RNFT2: variants seen among roughly 807,000 people sequenced by gnomAD.
The protein encoded by RNFT2 is E3 ubiquitin-protein ligase RNFT2.
RNFT2 carries 36 observed loss-of-function variants against 53.0 expected under a neutral mutation model. That is an observed-to-expected ratio of 0.68 (90% confidence interval 0.52 to 0.90). RNFT2 has a LOEUF of 0.90. RNFT2 is among the 40% of genes least tolerant of loss of function. The probability of loss-of-function intolerance (pLI) is 0.00; values close to 1 mark genes in which losing one functional copy is unlikely to be tolerated. For missense variants in RNFT2, 514 were observed against 585.6 expected (o/e 0.88, Z 1.26); for synonymous variants, 260 against 253.2 (o/e 1.03, Z -0.26).
intron 10 of RNFT2, among the ~76,000 whole-genome samples, chr12:116,837,507 A>G (rs909202849): frequency 6.6e-6 from 1 of 152,132 alleles, no homozygotes; most frequent in African/African-American, 2.4e-5. Flanking sequence ...GTTCCTTTTT[A>G]ACATCGACAA....
intron 5 of RNFT2, chr12:116,755,905 G>C (rs918020251): frequency 9.4e-6 from 12 of 1,283,386 alleles, no homozygotes; most frequent in African/African-American, 1.5e-5. Flanking sequence ...TGGCAGTTCC[G>C]GCTGAAAGGA....
chr12:116,771,802 G>A (rs1427959752), intron 6 of RNFT2, among the ~76,000 whole-genome samples: 1 of 152,078 alleles, frequency 6.6e-6, no homozygotes, highest in Non-Finnish European at 1.5e-5. Context: ...ACTTAGCCCC[G>A]ACTTATCATC....
chr12:116,750,279 G>T lies in RNFT2; in HGVS notation c.522G>T (p.Leu174=). The T allele has an allele frequency of 6.2e-7, 1 of 1,604,956 alleles. No homozygotes were observed. Residue 174 remains leucine (L), a synonymous_variant, in exon 4 of 11, where the codon CTG becomes CTT. Transcript: ENST00000257575. ...GACTCCCCTTCATCCTGATCCTCCT[G>T]GCCAAACTGTGCTTTCAGCATAAGC... ...QKGLPFILIL[L]AKLCFQHKLG...
intron 10 of RNFT2, among the ~76,000 whole-genome samples, chr12:116,836,935 A>C (rs556072473): frequency 3.3e-4 from 50 of 151,428 alleles, no homozygotes; most frequent in African/African-American, 1.0e-3. Context: ...ATCTCAAAGA[A>C]AAAAAAAAGG....
At chr12:116,759,641 T>C (rs1416283250) in intron 5 of RNFT2, among the ~76,000 whole-genome samples, 2 of 152,220 alleles carry the variant, frequency 1.3e-5, no homozygotes, top group African/African-American at 2.4e-5. Context: ...CTTCTGGGTC[T>C]AGCCACCCAG....
At chr12:116,749,547 A>G (rs545392136) in intron 3 of RNFT2, among the ~76,000 whole-genome samples, 23 of 152,180 alleles carry the variant, frequency 1.5e-4, no homozygotes, top group African/African-American at 5.1e-4. Flanking sequence ...CCCAAAGTAC[A>G]GGGATTACAG....
rs1317708038 is a variant in RNFT2, at chr12:116,788,810, T to TGGTGGATGGATGGATAGATGGATG, written c.882+9464_882+9487dup. 1.8e-3 allele frequency among the ~76,000 whole-genome samples: 196 copies of TGGTGGATGGATGGATAGATGGATG among 109,074 alleles called. 1 individual carries two copies. The highest frequency in any genetic ancestry group is 6.5e-3 in the African/African-American group (187 of 28,710). The allele number at this position is 109,074 out of a possible 152,430, so 71.6% of individuals were successfully genotyped here. A position where few individuals can be genotyped will look rare whatever the true frequency, so the allele number is the denominator to read the frequency against. On this transcript the variant is annotated intron_variant, in intron 7 of 10. Coordinates refer to ENST00000257575, the MANE Select transcript of RNFT2 (RefSeq NM_001382266.1). ...GAATTAGATGATCATCTGGGAAGTT[T>TGGTGGATGGATGGATAGATGGATG]GGTGGATGGATGGATAGATGGATGG...
intron 7 of RNFT2, among the ~76,000 whole-genome samples, chr12:116,826,942 G>T (rs1361817461): frequency 6.6e-6 from 1 of 152,168 alleles, no homozygotes; most frequent in Non-Finnish European, 1.5e-5. Context: ...TGATTTAGGG[G>T]CTGGGTGTGG....
At chr12:116,821,772 A>G (rs1267097956) in intron 7 of RNFT2, among the ~76,000 whole-genome samples, 1 of 140,652 alleles carries the variant, frequency 7.1e-6, no homozygotes, top group Non-Finnish European at 1.5e-5. Flanking sequence ...TAGTCCTTGA[A>G]GCTATCCTCC....
In RNFT2 at chr12:116,750,242, G is replaced by A. The variant is rs1360990188; in HGVS notation, c.485G>A (p.Trp162Ter). ...TCCGAGCTGAAGGCTGTGATCTGCT[G>A]GCTCCAGAAAGGACTCCCCTTCATC... ...ALSELKAVIC[W>*]LQKGLPFILI... The change falls in exon 4 of 11, where the codon TGG becomes TAG. Residue 162 changes from tryptophan (W) to a stop codon, truncating the protein, a stop_gained. Coordinates refer to ENST00000257575, the MANE Select transcript of RNFT2 (RefSeq NM_001382266.1). LOFTEE classifies it high-confidence loss of function. 6.2e-7 allele frequency: 1 copy of A among 1,607,962 alleles called. No homozygotes were observed. The highest frequency in any genetic ancestry group is 8.5e-7 in the Non-Finnish European group (1 of 1,179,582).
chr12:116,755,561 A>G, intron 5 of RNFT2: 1 of 846,028 alleles, frequency 1.2e-6, no homozygotes, highest in Non-Finnish European at 2.1e-6. Flanking sequence ...GCATTTCAGG[A>G]AGCTATCTCG....
intron 7 of RNFT2, among the ~76,000 whole-genome samples, chr12:116,830,451 A>G (rs1252422405): frequency 6.6e-6 from 1 of 151,952 alleles, no homozygotes; most frequent in Non-Finnish European, 1.5e-5. Context: ...CCACTCCCAG[A>G]TAATCTTTTA....
rs541797987 is a variant in RNFT2, at chr12:116,846,224, A to G, written c.1201-3090A>G. ...ATTACTATCATAATAGCTAATAGTT[A>G]TAGAGCACTTACTATTTGCCAGTCA... On this transcript the variant is annotated intron_variant, in intron 10 of 10. Transcript: ENST00000257575. Among the ~76,000 whole-genome samples the G allele has an allele frequency of 7.2e-5, 11 of 152,288 alleles. No individual in the cohort carries two copies. The South Asian group carries it at 1.7e-3, about 23-fold the overall frequency.
intron 10 of RNFT2, among the ~76,000 whole-genome samples, chr12:116,839,409 TG>T (rs769972002): frequency 1.3e-3 from 97 of 75,568 alleles, no homozygotes; most frequent in African/African-American, 4.2e-3. Context: ...GATGGATGGA[TG>T]GGATGGGTGG....
intron 5 of RNFT2, among the ~76,000 whole-genome samples, chr12:116,762,181 C>A (rs1320806220): frequency 1.3e-5 from 2 of 151,908 alleles, no homozygotes; most frequent in Non-Finnish European, 2.9e-5. Context: ...GAGTTTGAGA[C>A]CAGCCTGAAC....
At chr12:116,795,494 AGGCCACATGTGGCTCT>A (rs796778315) in intron 7 of RNFT2, among the ~76,000 whole-genome samples, 39 of 152,282 alleles carry the variant, frequency 2.6e-4, no homozygotes, top group African/African-American at 7.9e-4. Flanking sequence ...TAGTAGCTAC[AGGCCACATGTGGCTCT>A]CTAAATTTAA....
chr12:116,776,033 A>C (rs1171926797), intron 6 of RNFT2, among the ~76,000 whole-genome samples: 4 of 151,692 alleles, frequency 2.6e-5, no homozygotes, highest in Non-Finnish European at 5.9e-5. Flanking sequence ...ACAGAGCGAG[A>C]CTCTCAAAAA....
At chr12:116,771,486 A>AT (rs1198593135) in intron 6 of RNFT2, among the ~76,000 whole-genome samples, 34,474 of 99,638 alleles carry the variant, frequency 0.35, 11,048 homozygotes, top group Non-Finnish European at 0.48. Flanking sequence ...AAAAAAAAAA[A>AT]AAAAAAAAAT....
intron 5 of RNFT2, among the ~76,000 whole-genome samples, chr12:116,766,136 G>A (rs767989157): frequency 6.6e-5 from 10 of 151,228 alleles, no homozygotes; most frequent in Admixed American, 1.3e-4. Context: ...TTTTTAATTA[G>A]CCAGGTATAG....
Sources: gnomAD v4.1 joint callset for allele counts (sites outside exome capture counted in the v4.1 genomes callset) on GRCh38, gnomAD v4.1.1 for gene constraint, MANE v1.5 for transcripts, NCBI Gene and HGNC (gene_info 2026-07-23, HGNC 2026-07-21) for gene names.